The following NEGR1 variants were observed in gnomAD, a reference collection of about 807,000 sequenced individuals.
The protein encoded by NEGR1 is neuronal growth regulator 1.
NEGR1 carries 10 observed loss-of-function variants against 40.9 expected under a neutral mutation model. The ratio of observed to expected loss-of-function variants is 0.24; its 90% CI spans 0.15 to 0.42. The LOEUF (loss-of-function observed/expected upper bound fraction) is 0.42. NEGR1 is among the 10% of genes least tolerant of loss of function. NEGR1 has a pLI of 1.00. For missense variants in NEGR1, 352 were observed against 438.9 expected (o/e 0.80, Z 1.77); for synonymous variants, 185 against 166.8 (o/e 1.11, Z -0.84).
intron 6 of NEGR1, among the ~76,000 whole-genome samples, chr1:71,461,319 A>G (rs1646713330): frequency 6.6e-6 from 1 of 152,206 alleles, no homozygotes; most frequent in South Asian, 2.1e-4. Flanking sequence ...ACTTTTTATA[A>G]TAATACAGAT....
intron 6 of NEGR1, chr1:71,422,574 T>C (rs970101181): frequency 1.3e-5 from 2 of 152,112 alleles, no homozygotes; most frequent in Non-Finnish European, 2.9e-5. Flanking sequence ...AAGCTCAAAG[T>C]CACTTACAGG....
chr1:71,478,769 G>C (rs1195819148), intron 6 of NEGR1, among the ~76,000 whole-genome samples: 4 of 151,780 alleles, frequency 2.6e-5, no homozygotes, highest in African/African-American at 7.3e-5. Flanking sequence ...GCCTGTAACT[G>C]GGTTATTATT....
intron 6 of NEGR1, among the ~76,000 whole-genome samples, chr1:71,452,775 T>G (rs564406304): frequency 1.3e-5 from 2 of 149,128 alleles, no homozygotes; most frequent in African/African-American, 4.9e-5. Context: ...AGAAAGTGCA[T>G]TAAAAGTACA....
intron 3 of NEGR1, among the ~76,000 whole-genome samples, chr1:71,709,987 C>T (rs1453535710): frequency 6.6e-6 from 1 of 152,052 alleles, no homozygotes. Context: ...GCAAAGTACC[C>T]CTCTGACAAG....
chr1:72,068,949 G>A lies in NEGR1; in HGVS notation c.177-133638C>T, dbSNP rs551467554. ...AAAATTAAGGATATATATTAAACAA[G>A]TAAAATGTTGGTCAATTAACACTCG... is the stretch of plus-strand genomic sequence containing the variant. On this transcript the variant is annotated intron_variant, in intron 1 of 6. Coordinates refer to ENST00000357731, the MANE Select transcript of NEGR1 (RefSeq NM_173808.3). Among the ~76,000 whole-genome samples, 184 of 152,170 alleles carry A rather than the reference G, an allele frequency of 1.2e-3. 1 individual carries two copies. Among genetic ancestry groups the A allele is most frequent in the African/African-American group, 4.3e-3 (180 of 41,546 alleles).
chr1:71,844,617 A>T (rs956383157), intron 2 of NEGR1, among the ~76,000 whole-genome samples: 1 of 152,062 alleles, frequency 6.6e-6, no homozygotes, highest in African/African-American at 2.4e-5. Context: ...TATTGAAACC[A>T]CTCTGAGTTC....
At chr1:71,767,607 G>C (rs945586108) in intron 3 of NEGR1, among the ~76,000 whole-genome samples, 2 of 152,194 alleles carry the variant, frequency 1.3e-5, no homozygotes, top group Non-Finnish European at 2.9e-5. Flanking sequence ...TATGTGGTAG[G>C]TAGAAAAGTA....
rs901333724 is a variant in NEGR1, at chr1:71,399,308, A to G, written c.*8138T>C. 2 of 152,158 alleles carry G rather than the reference A, an allele frequency of 1.3e-5. No individual in the cohort carries two copies. Among genetic ancestry groups the G allele is most frequent in the African/African-American group, 2.4e-5 (1 of 41,460 alleles). 9.4% of individuals were successfully genotyped at this position (152,158 alleles called of 1,614,324 possible). A position where few individuals can be genotyped will look rare whatever the true frequency, so the allele number is the denominator to read the frequency against. On this transcript the variant is annotated 3_prime_UTR_variant, in exon 7 of 7. Coordinates refer to ENST00000357731, the MANE Select transcript of NEGR1 (RefSeq NM_173808.3). The stretch of plus-strand genomic sequence containing the variant: ...AAAAACCCAGTCTTTCTCCTTGTCA[A>G]CATTTAAAGTTATTAGACAGTAACA...
At chr1:71,787,973 A>G (rs1438870408) in intron 2 of NEGR1, among the ~76,000 whole-genome samples, 1 of 152,200 alleles carries the variant, frequency 6.6e-6, no homozygotes, top group African/African-American at 2.4e-5. Flanking sequence ...CCATGATTAG[A>G]TTTACAGAGT....
At chr1:71,952,501 T>C (rs567600695) in intron 1 of NEGR1, among the ~76,000 whole-genome samples, 1 of 152,016 alleles carries the variant, frequency 6.6e-6, no homozygotes, top group Non-Finnish European at 1.5e-5. Context: ...GCTTGGTTCA[T>C]TAGGTTTAAG....
intron 1 of NEGR1, among the ~76,000 whole-genome samples, chr1:72,278,506 A>C (rs1440566640): frequency 6.6e-6 from 1 of 152,156 alleles, no homozygotes; most frequent in African/African-American, 2.4e-5. Flanking sequence ...ATTTGTTAAT[A>C]AGGTAAGAAT....
chr1:71,809,390 T>C (rs1158196110), intron 2 of NEGR1, among the ~76,000 whole-genome samples: 1 of 152,198 alleles, frequency 6.6e-6, no homozygotes. Context: ...GCCACCCACA[T>C]GGTGAAGCAA....
At chr1:71,754,256 C>T (rs1655660484) in intron 3 of NEGR1, among the ~76,000 whole-genome samples, 1 of 152,146 alleles carries the variant, frequency 6.6e-6, no homozygotes, top group Admixed American at 6.5e-5. Context: ...GAGCGCCTCA[C>T]TGAAGACCTC....
intron 4 of NEGR1, among the ~76,000 whole-genome samples, chr1:71,695,743 G>C (rs1375789129): frequency 6.6e-6 from 1 of 151,796 alleles, no homozygotes; most frequent in East Asian, 1.9e-4. Context: ...CAGAGACACT[G>C]ACAGCTTTTG....
At chr1:72,018,671 A>G (rs996132378) in intron 1 of NEGR1, among the ~76,000 whole-genome samples, 6 of 152,324 alleles carry the variant, frequency 3.9e-5, no homozygotes, top group Admixed American at 1.3e-4. Flanking sequence ...AGGGAAAAGA[A>G]ACTGGCAGCG....
intron 1 of NEGR1, among the ~76,000 whole-genome samples, chr1:71,955,169 T>A (rs754805291): frequency 3.3e-5 from 5 of 152,136 alleles, no homozygotes; most frequent in Non-Finnish European, 7.4e-5. Flanking sequence ...GGGAAATATT[T>A]TTGTGCTAGT....
chr1:71,577,692 G>T (rs149135313), intron 6 of NEGR1, among the ~76,000 whole-genome samples: 2 of 152,048 alleles, frequency 1.3e-5, no homozygotes, highest in Admixed American at 6.6e-5. Flanking sequence ...GTCTGAAAGC[G>T]TCCTCTGTCT....
chr1:72,021,169 A>G (rs574469515), intron 1 of NEGR1, among the ~76,000 whole-genome samples: 65 of 152,282 alleles, frequency 4.3e-4, no homozygotes, highest in South Asian at 2.5e-3. Context: ...AATAACATAC[A>G]TCTAAATACC....
At chr1:71,786,272 T>C (rs1656904616) in intron 2 of NEGR1, among the ~76,000 whole-genome samples, 1 of 152,168 alleles carries the variant, frequency 6.6e-6, no homozygotes, top group Non-Finnish European at 1.5e-5. Flanking sequence ...ATATATTTTA[T>C]TTTTGTCTTT....
Sources: gnomAD v4.1 joint callset for allele counts (sites outside exome capture counted in the v4.1 genomes callset) on GRCh38, gnomAD v4.1.1 for gene constraint, MANE v1.5 for transcripts, NCBI Gene and HGNC (gene_info 2026-07-23, HGNC 2026-07-21) for gene names.